Variants in CEP83 observed in about 807,000 individuals in gnomAD.
CEP83 encodes the protein centrosomal protein 83.
CEP83 carries 70 observed loss-of-function variants against 101.9 expected under a neutral mutation model. That is an observed-to-expected ratio of 0.69 (90% CI 0.57 to 0.84). The LOEUF is 0.84. Among genes scored for constraint, CEP83 ranks in the 40% least tolerant of loss-of-function variants. The pLI, the probability that CEP83 is intolerant of heterozygous loss-of-function variation, is 0.00. For synonymous variants in CEP83, 264 were observed against 267.9 expected (o/e 0.99, Z 0.14); for missense variants, 715 against 787.2 (o/e 0.91, Z 1.10).
At chr12:94,454,423 T>G (rs1049717703) in intron 1 of CEP83, among the ~76,000 whole-genome samples, 1 of 152,190 alleles carries the variant, frequency 6.6e-6, no homozygotes, top group African/African-American at 2.4e-5. Flanking sequence ...GGATTGCAAA[T>G]GCACCAATCA....
intron 1 of CEP83, among the ~76,000 whole-genome samples, chr12:94,449,548 G>C (rs1334686953): frequency 1.3e-5 from 2 of 150,304 alleles, no homozygotes; most frequent in Non-Finnish European, 3.0e-5. Context: ...TTGAGCCAAG[G>C]AGTTCAAGAA....
intron 1 of CEP83, among the ~76,000 whole-genome samples, chr12:94,442,676 C>G (rs2066498842): frequency 6.6e-6 from 1 of 152,112 alleles, no homozygotes; most frequent in African/African-American, 2.4e-5. Context: ...AGTCATGAAT[C>G]TAGTAATAGG....
intron 11 of CEP83, among the ~76,000 whole-genome samples, chr12:94,341,012 C>A (rs1448848772): frequency 6.6e-6 from 1 of 152,234 alleles, no homozygotes; most frequent in Non-Finnish European, 1.5e-5. Flanking sequence ...CTTTTGTTTG[C>A]TTGCATTAGT....
the CEP83 span, among the ~76,000 whole-genome samples, chr12:94,266,863 C>G: frequency 6.6e-6 from 1 of 152,176 alleles, no homozygotes; most frequent in African/African-American, 2.4e-5. Context: ...CTCATTGAAC[C>G]CTTGTTTAAA....
At chr12:94,338,182 G>A (rs551716215) in intron 11 of CEP83, among the ~76,000 whole-genome samples, 1 of 152,300 alleles carries the variant, frequency 6.6e-6, no homozygotes, top group African/African-American at 2.4e-5. Flanking sequence ...GAATGCCAGA[G>A]TGCAGATAGA....
At chr12:94,396,924 T>C (rs1329009430) in intron 6 of CEP83, among the ~76,000 whole-genome samples, 1 of 152,192 alleles carries the variant, frequency 6.6e-6, no homozygotes, top group Admixed American at 6.5e-5. Flanking sequence ...CAAACTAAAT[T>C]TGTTGTTTCT....
At chr12:94,424,262 C>T (rs535719463) in intron 2 of CEP83, 16 of 1,614,046 alleles carry the variant, frequency 9.9e-6, no homozygotes, top group East Asian at 4.5e-5. Flanking sequence ...TGGCCAAGCC[C>T]GTCCATTTTG....
chr12:94,390,436 CA>C (rs1430256957), intron 6 of CEP83, among the ~76,000 whole-genome samples: 1 of 152,114 alleles, frequency 6.6e-6, no homozygotes, highest in African/African-American at 2.4e-5. Context: ...GCAGGATCAA[CA>C]AAAAGGTCAC....
chr12:94,422,785 T>C (rs1566160681), intron 2 of CEP83, among the ~76,000 whole-genome samples: 3 of 152,256 alleles, frequency 2.0e-5, no homozygotes, highest in Admixed American at 6.5e-5. Context: ...ATCTCAGTAG[T>C]CTGTTCCTTT....
At chr12:94,282,048 A>G in the CEP83 span, 2 of 415,368 alleles carry the variant, frequency 4.8e-6, no homozygotes, top group Non-Finnish European at 8.9e-6. Context: ...CATAGAATGC[A>G]TTATTTTGTC....
At chr12:94,456,852 A>G (rs149867696) in intron 1 of CEP83, among the ~76,000 whole-genome samples, 1 of 152,340 alleles carries the variant, frequency 6.6e-6, no homozygotes, top group Non-Finnish European at 1.5e-5. Context: ...TGTATTTGGA[A>G]AAGACTAAGG....
At chr12:94,413,474 G>A (rs1201459031) in intron 2 of CEP83, among the ~76,000 whole-genome samples, 2 of 152,158 alleles carry the variant, frequency 1.3e-5, no homozygotes, top group East Asian at 3.9e-4. Context: ...CTTGGTAACT[G>A]GCTAGGGAGA....
downstream of CEP83, chr12:94,304,259 G>A: frequency 2.3e-6 from 1 of 439,782 alleles, no homozygotes; most frequent in Non-Finnish European, 4.1e-6. Context: ...CCCACATTTG[G>A]ACCAGCCTGA....
chr12:94,423,836 C>T, intron 2 of CEP83: 1 of 1,613,380 alleles, frequency 6.2e-7, no homozygotes, highest in Non-Finnish European at 8.5e-7. Flanking sequence ...TCGACTGAAA[C>T]ACTGGAAGGA....
At chr12:94,331,950 A>C (rs752425383) in intron 13 of CEP83, 121 bp from the exon 14 acceptor site, 295 of 844,442 alleles carry the variant, frequency 3.5e-4, no homozygotes, top group Non-Finnish European at 4.9e-4. Context: ...ATCCAACTGC[A>C]GGCCCTCCTG....
intron 1 of CEP83, among the ~76,000 whole-genome samples, chr12:94,441,309 A>G (rs1361781008): frequency 6.6e-6 from 1 of 152,216 alleles, no homozygotes; most frequent in Non-Finnish European, 1.5e-5. Flanking sequence ...TCTACGAGGA[A>G]CTCAAACAAA....
rs1040561098 is a variant in CEP83 at position 94,384,150 on chromosome 12, T to C, written c.550-5108A>G. On this transcript the variant is annotated intron_variant, in intron 6 of 16. Coordinates refer to ENST00000397809, the MANE Select transcript of CEP83 (RefSeq NM_016122.3). ...ATAGGTCTACTGGCAAAAAGTTCCT[T>C]CATTTTCCTTCATTTGAGAATGTCT... is the stretch of plus-strand genomic sequence containing the variant. Among the ~76,000 whole-genome samples, 6 of 152,178 alleles carry C rather than the reference T, an allele frequency of 3.9e-5. No individual in the cohort carries two copies. In the East Asian group the frequency reaches 1.2e-3, roughly 29 times the overall value.
At chr12:94,447,341 C>T (rs1339226358) in intron 1 of CEP83, among the ~76,000 whole-genome samples, 1 of 152,102 alleles carries the variant, frequency 6.6e-6, no homozygotes, top group Non-Finnish European at 1.5e-5. Flanking sequence ...TGGCAAAACC[C>T]CATCTCTACA....
chr12:94,298,810 G>C, the CEP83 span: 14 of 1,601,382 alleles, frequency 8.7e-6, no homozygotes, highest in Non-Finnish European at 7.7e-6. Flanking sequence ...GAATGTAGGT[G>C]ATTAGTGACT....
Sources: allele counts gnomAD v4.1 joint callset (sites outside exome capture counted in the v4.1 genomes callset), GRCh38; gene constraint gnomAD v4.1.1; transcripts MANE v1.5; gene names NCBI Gene and HGNC (gene_info 2026-07-23, HGNC 2026-07-21).